The following HMBOX1 variants were observed in gnomAD, a reference collection of about 807,000 sequenced individuals.
The protein encoded by HMBOX1 is homeobox containing 1, also known as homeobox-containing protein 1.
Under a neutral mutation model 54.5 loss-of-function variants are expected in HMBOX1, and 14 were observed. That is an observed-to-expected ratio of 0.26 (90% confidence interval 0.17 to 0.40). HMBOX1 has a LOEUF of 0.40. Among genes scored for constraint, HMBOX1 ranks in the 10% least tolerant of loss-of-function variants. HMBOX1 has a pLI of 1.00. For missense variants in HMBOX1, 332 were observed against 514.4 expected (o/e 0.65, Z 3.43); for synonymous variants, 160 against 181.0 (o/e 0.88, Z 0.93).
chr8:29,015,712 C>T (rs1834897306), intron 5 of HMBOX1, among the ~76,000 whole-genome samples: 1 of 152,136 alleles, frequency 6.6e-6, no homozygotes, highest in Admixed American at 6.6e-5. Context: ...TTTAGAATTT[C>T]ATGTTGGGTA....
At chr8:28,919,038 A>G (rs1271040280) in intron 1 of HMBOX1, among the ~76,000 whole-genome samples, 1 of 152,254 alleles carries the variant, frequency 6.6e-6, no homozygotes, top group Non-Finnish European at 1.5e-5. Context: ...AGGAAAACAG[A>G]GAGGAAAGTG....
intron 3 of HMBOX1, among the ~76,000 whole-genome samples, chr8:28,972,697 A>G (rs1259052494): frequency 1.3e-5 from 2 of 152,240 alleles, no homozygotes. Flanking sequence ...AAGACTAACA[A>G]GAAGTATGGG....
At chr8:29,018,101 G>A (rs1025725195) in intron 5 of HMBOX1, among the ~76,000 whole-genome samples, 2 of 152,182 alleles carry the variant, frequency 1.3e-5, no homozygotes, top group Admixed American at 1.3e-4. Context: ...CTCTATGAAA[G>A]CATACCAAGT....
intron 3 of HMBOX1, among the ~76,000 whole-genome samples, chr8:28,973,127 G>A (rs892949817): frequency 3.3e-5 from 5 of 151,992 alleles, no homozygotes; most frequent in Admixed American, 1.3e-4. Flanking sequence ...CCCCTCTCAC[G>A]ATTCTCAGGT....
chr8:28,976,170 C>G (rs1249513627), intron 3 of HMBOX1, among the ~76,000 whole-genome samples: 1 of 152,110 alleles, frequency 6.6e-6, no homozygotes, highest in Non-Finnish European at 1.5e-5. Flanking sequence ...CAGATGTTTA[C>G]TTTGGTCTTA....
chr8:29,041,254 C>T (rs1454053363), intron 6 of HMBOX1, among the ~76,000 whole-genome samples: 1 of 152,026 alleles, frequency 6.6e-6, no homozygotes, highest in African/African-American at 2.4e-5. Context: ...CCTGTTTTTG[C>T]CCCCATCCCC....
chr8:28,939,296 A>G (rs910039479), intron 1 of HMBOX1, among the ~76,000 whole-genome samples: 3 of 151,922 alleles, frequency 2.0e-5, no homozygotes, highest in East Asian at 3.9e-4. Flanking sequence ...TCTAAAAAAA[A>G]AAAAAAGAAA....
In HMBOX1 at chr8:28,926,791, C is replaced by T. The variant is rs144137628; in HGVS notation, c.-58+36113C>T. ...CTCTTCTGGCCTCAATGGATTCTCC[C>T]ACCTTGGCCTCTTAAAGTGCTGGGA... On this transcript the variant is annotated intron_variant, in intron 1 of 9. Transcript: ENST00000287701. Among the ~76,000 whole-genome samples the T allele has an allele frequency of 3.9e-5, 6 of 152,138 alleles. 1 individual carries two copies. The highest frequency in any genetic ancestry group is 7.4e-5 in the Non-Finnish European group (5 of 68,022).
intron 1 of HMBOX1, among the ~76,000 whole-genome samples, chr8:28,914,333 A>G (rs1816105608): frequency 6.6e-6 from 1 of 152,238 alleles, no homozygotes; most frequent in African/African-American, 2.4e-5. Context: ...ATTGGGACTT[A>G]TATAGTAAAA....
intron 1 of HMBOX1, among the ~76,000 whole-genome samples, chr8:28,938,240 C>T (rs917199913): frequency 2.0e-5 from 3 of 152,104 alleles, no homozygotes; most frequent in Non-Finnish European, 4.4e-5. Flanking sequence ...TCTGCAAAAT[C>T]GAGAAAATTA....
intron 3 of HMBOX1, among the ~76,000 whole-genome samples, chr8:28,977,486 T>C (rs1190127319): frequency 6.6e-6 from 1 of 152,260 alleles, no homozygotes; most frequent in Non-Finnish European, 1.5e-5. Flanking sequence ...TGAAGTTATC[T>C]CTTGTACACT....
chr8:28,973,809 T>TTTTTTTGTTTG (rs1827870415), intron 3 of HMBOX1, among the ~76,000 whole-genome samples: 1 of 11,234 alleles, frequency 8.9e-5, no homozygotes. Context: ...TGGAGTTTTT[T>TTTTTTTGTTTG]TTTTTTTTTT....
At chr8:29,030,603 CTA>C (rs1417746443) in intron 6 of HMBOX1, among the ~76,000 whole-genome samples, 4 of 152,182 alleles carry the variant, frequency 2.6e-5, no homozygotes, top group Admixed American at 6.5e-5. Context: ...TTATATCACT[CTA>C]TGATTCTAAA....
At chr8:28,987,986 G>T (rs776952800) in intron 4 of HMBOX1, among the ~76,000 whole-genome samples, 3 of 152,106 alleles carry the variant, frequency 2.0e-5, no homozygotes, top group Non-Finnish European at 4.4e-5. Context: ...TTTCTGAGTT[G>T]TACCAAACTT....
chr8:28,910,560 A>G (rs79835737), intron 1 of HMBOX1, among the ~76,000 whole-genome samples: 4,171 of 152,238 alleles, frequency 0.027, 205 homozygotes, highest in African/African-American at 0.096. Context: ...GTTATTGTCT[A>G]TCTTTTTTTA....
intron 6 of HMBOX1, among the ~76,000 whole-genome samples, chr8:29,036,951 G>C (rs1220760471): frequency 6.6e-6 from 1 of 152,186 alleles, no homozygotes; most frequent in Non-Finnish European, 1.5e-5. Flanking sequence ...AATGAGCTGT[G>C]TTATGCGATT....
intron 1 of HMBOX1, among the ~76,000 whole-genome samples, chr8:28,897,903 G>T (rs1157230106): frequency 6.6e-6 from 1 of 152,168 alleles, no homozygotes; most frequent in Non-Finnish European, 1.5e-5. Context: ...AGCTTTAAAG[G>T]AAGTTAGTTC....
chr8:29,047,739 G>T (rs1296883587), intron 8 of HMBOX1, among the ~76,000 whole-genome samples: 5 of 151,822 alleles, frequency 3.3e-5, no homozygotes, highest in Admixed American at 2.6e-4. Context: ...GGCTAATTTT[G>T]TATTTTTAGT....
At chr8:29,013,254 G>T (rs1322195261) in intron 5 of HMBOX1, among the ~76,000 whole-genome samples, 1 of 152,200 alleles carries the variant, frequency 6.6e-6, no homozygotes, top group African/African-American at 2.4e-5. Flanking sequence ...TCCTGCCTCA[G>T]CCTCAGGAGT....
Sources: allele counts gnomAD v4.1 joint callset (sites outside exome capture counted in the v4.1 genomes callset), GRCh38; gene constraint gnomAD v4.1.1; transcripts MANE v1.5; gene names NCBI Gene and HGNC (gene_info 2026-07-23, HGNC 2026-07-21).